GBP4: variants seen among roughly 807,000 people sequenced by gnomAD.
GBP4 encodes the protein guanylate binding protein 4, also known as guanylate-binding protein 4.
In GBP4, 69 loss-of-function variants were observed where a neutral mutation model predicts 62.2. The ratio of observed to expected loss-of-function variants is 1.11; its 90% CI spans 0.91 to 1.36. The LOEUF (loss-of-function observed/expected upper bound fraction) is 1.36, where lower values mean the gene tolerates loss of function less well. Ranked by LOEUF, GBP4 falls within the 40% of genes most tolerant of loss-of-function variation. GBP4 has a pLI of 0.00. For missense variants in GBP4, 697 were observed against 759.3 expected, an observed-to-expected ratio of 0.92 and a Z score of 0.96; for synonymous variants, 278 against 274.6, an observed-to-expected ratio of 1.01 and a Z score of -0.12.
chr1:89,185,284 T>G lies in GBP4; in HGVS notation c.1893A>C (p.Val631=). 1 of 1,612,342 alleles carries G rather than the reference T, an allele frequency of 6.2e-7. No homozygotes were observed. Among genetic ancestry groups the G allele is most frequent in the Non-Finnish European group, 8.5e-7 (1 of 1,178,444 alleles). ...TACGTGAGCCAAGATATTTTGTCCC[T>G]ACTCCAAGTAGCTTGGAAGCCCCAG... ...TLPGASKLLG[V]GTKYLGSRI The change falls in exon 11 of 11, where the codon GTA becomes GTC. Residue 631 remains valine (V), a synonymous_variant. Transcript: ENST00000355754.
chr1:89,187,273 A>G (rs1316250654), intron 8 of GBP4, among the ~76,000 whole-genome samples, 171 bp from the exon 9 acceptor site: 1 of 152,162 alleles, frequency 6.6e-6, no homozygotes, highest in African/African-American at 2.4e-5. Flanking sequence ...GCTCTTTGTT[A>G]AGTCATAAAA....
At chr1:89,198,646 A>G in intron 1 of GBP4, 149 bp downstream of exon 1, 1 of 734,366 alleles carries the variant, frequency 1.4e-6, no homozygotes, top group African/African-American at 1.7e-5. Context: ...AAGCAGCATC[A>G]GACTTCCCCG....
At chr1:89,189,910 G>T in intron 7 of GBP4, 128 bp downstream of exon 7, 1 of 840,194 alleles carries the variant, frequency 1.2e-6, no homozygotes, top group Non-Finnish European at 1.9e-6. Flanking sequence ...AGCCCATAGA[G>T]CCCTGTTATT....
chr1:89,196,596 A>G (rs1648347186), intron 2 of GBP4, among the ~76,000 whole-genome samples: 1 of 152,232 alleles, frequency 6.6e-6, no homozygotes, highest in Non-Finnish European at 1.5e-5. Flanking sequence ...ACTCTTCTTT[A>G]TGTGTCATAG....
At position 89,183,869 on chromosome 1, in the gene GBP4, G is replaced by T. The variant is rs1315288073; in HGVS notation, c.*1385C>A. 1 of 152,140 alleles carries T rather than the reference G, an allele frequency of 6.6e-6. No individual in the cohort carries two copies. The highest frequency in any genetic ancestry group is 1.9e-4 in the East Asian group (1 of 5,200). 9.4% of individuals were successfully genotyped at this position (152,140 alleles called of 1,614,324 possible). A position where few individuals can be genotyped will look rare whatever the true frequency, so the allele number is the denominator to read the frequency against. On this transcript the variant is annotated 3_prime_UTR_variant, in exon 11 of 11. Transcript: ENST00000355754. ...CACTCCAGCCTGGGTGTCAAAGTGA[G>T]ACCCTGTTTCAAAAAACAAAAACAA... is the stretch of plus-strand genomic sequence containing the variant.
rs756135431 is a variant in GBP4, at chr1:89,193,020, G to A, written c.554C>T (p.Ala185Val). ...PDEAEDSSEF[A>V]SFFPDFIWTV... The stretch of plus-strand genomic sequence containing the variant: ...CCAAATAAAGTCTGGAAAGAAACTC[G>A]CAAACTCGCTGGAGTCCTCAGCTTC... Residue 185 changes from alanine (A) to valine (V), a missense_variant, in exon 5 of 11, where the codon GCG becomes GTG. Physicochemically the swap from Ala to Val is moderately conservative, Grantham distance 64 (BLOSUM62 0). This residue lies in a region of GBP4 where 556 missense variants were observed against 562.7 expected (regional missense o/e 0.99). Coordinates refer to ENST00000355754, the MANE Select transcript of GBP4 (RefSeq NM_052941.5). The A allele has an allele frequency of 6.8e-6, 11 of 1,614,150 alleles. No homozygotes were observed. The highest frequency in any genetic ancestry group is 4.5e-5 in the East Asian group (2 of 44,884).
intron 10 of GBP4, among the ~76,000 whole-genome samples, chr1:89,185,794 T>G (rs1192285950): frequency 6.6e-6 from 1 of 152,208 alleles, no homozygotes; most frequent in Non-Finnish European, 1.5e-5. Flanking sequence ...AAGGCCATGC[T>G]CATCTAGCAA....
At chr1:89,195,462 G>C (rs201696008) in intron 2 of GBP4, 38 bp from the exon 3 acceptor site, 1 of 1,609,272 alleles carries the variant, frequency 6.2e-7, no homozygotes, top group Admixed American at 1.7e-5. Context: ...AGTAACAGTG[G>C]ATAGACCAGG....
intron 2 of GBP4, among the ~76,000 whole-genome samples, chr1:89,196,388 T>C (rs1464119226): frequency 6.6e-6 from 1 of 152,182 alleles, no homozygotes; most frequent in Non-Finnish European, 1.5e-5. Flanking sequence ...AATGCATATA[T>C]ATTATGTAGA....
At chr1:89,191,602 C>A in intron 5 of GBP4, 96 bp from the exon 6 acceptor site, 1 of 1,227,866 alleles carries the variant, frequency 8.1e-7, no homozygotes, top group East Asian at 2.4e-5. Context: ...CTGCAGCTCC[C>A]CTGCCTTGTA....
Position 89,190,229 on chromosome 1 carries a change from G to C in GBP4, c.1006C>G (p.Leu336Val), listed in dbSNP as rs771776242. The change falls in exon 7 of 11, where the codon CTT (leucine) becomes GTT (valine). Residue 336 changes from leucine (L) to valine (V), a missense_variant. This residue lies in a region of GBP4 where 556 missense variants were observed against 562.7 expected (regional missense o/e 0.99). Transcript: ENST00000355754. ...LENAVTALAQ[L>V]ENPAAVQRAA... ...CTCTGCACAGCCGCTGGGTTCTCAA[G>C]CTGGGCCAGTGCTGTCACTGCATTC... 9.3e-6 allele frequency: 15 copies of C among 1,614,044 alleles called. No individual in the cohort carries two copies. The highest frequency in any genetic ancestry group is 2.5e-6 in the Non-Finnish European group (3 of 1,180,032).
chr1:89,187,133 C>T, intron 8 of GBP4, 31 bp from the exon 9 acceptor site: 1 of 1,576,286 alleles, frequency 6.3e-7, no homozygotes, highest in South Asian at 1.1e-5. Context: ...AAAGACCTGT[C>T]AGGCAGCAAA....
chr1:89,192,820 C>T, intron 5 of GBP4, 84 bp downstream of exon 5: 1 of 1,288,922 alleles, frequency 7.8e-7, no homozygotes, highest in East Asian at 2.3e-5. Flanking sequence ...CTAATGTAAA[C>T]ATTTGTGTCA....
Position 89,191,381 on chromosome 1 carries a change from C to T in GBP4, c.796G>A (p.Glu266Lys), listed in dbSNP as rs766566761. Reference protein sequence around the residue: ...NDKQYLNHMDEVPEENLERHF... With the variant: ...NDKQYLNHMDKVPEENLERHF... ...CTTTCCAGATTTTCTTCTGGCACTTCGTCCATATGATTTAAATATTGCTTG... is the reference window on the plus strand; with the variant it reads ...CTTTCCAGATTTTCTTCTGGCACTTTGTCCATATGATTTAAATATTGCTTG... Residue 266 changes from glutamate to lysine, a missense_variant, in exon 6 of 11, where the codon GAA becomes AAA. This residue lies in a region of GBP4 where 556 missense variants were observed against 562.7 expected (regional missense o/e 0.99). Coordinates refer to ENST00000355754, the MANE Select transcript of GBP4 (RefSeq NM_052941.5). The T allele has an allele frequency of 3.7e-6, 6 of 1,614,052 alleles. No homozygotes were observed. The African/African-American group carries it at 5.3e-5, about 14-fold the overall frequency.
chr1:89,185,725 G>A (rs954361638), intron 10 of GBP4, among the ~76,000 whole-genome samples: 2 of 152,198 alleles, frequency 1.3e-5, no homozygotes, highest in African/African-American at 4.8e-5. Context: ...CACAAAGAAT[G>A]CCCTTCGAGA....
At chr1:89,196,573 G>A (rs1374309471) in intron 2 of GBP4, among the ~76,000 whole-genome samples, 2 of 152,122 alleles carry the variant, frequency 1.3e-5, no homozygotes, top group Middle Eastern at 6.8e-3. Context: ...CACTGTAAAG[G>A]TATGTTGTAC....
intron 5 of GBP4, 23 bp from the exon 6 acceptor site, chr1:89,191,529 G>C (rs1487827161): frequency 1.9e-6 from 3 of 1,603,170 alleles, no homozygotes; most frequent in Non-Finnish European, 2.6e-6. Flanking sequence ...AAAAAAGAGG[G>C]CTCATTGAAG....
chr1:89,194,332 A>G (rs1648268771), intron 3 of GBP4, among the ~76,000 whole-genome samples: 1 of 152,250 alleles, frequency 6.6e-6, no homozygotes, highest in African/African-American at 2.4e-5. Flanking sequence ...GTCAGCTAGT[A>G]GTTCTGCTGC....
chr1:89,191,594 G>A, intron 5 of GBP4, 88 bp from the exon 6 acceptor site: 5 of 1,292,142 alleles, frequency 3.9e-6, no homozygotes, highest in Non-Finnish European at 5.4e-6. Context: ...TTGCATCCCT[G>A]CAGCTCCCCT....
Sources: allele counts gnomAD v4.1 joint callset (sites outside exome capture counted in the v4.1 genomes callset), GRCh38; gene constraint gnomAD v4.1.1; regional missense constraint gnomAD v4.1.1; transcripts MANE v1.5; gene names NCBI Gene and HGNC (gene_info 2026-07-23, HGNC 2026-07-21).